TSPEAR: variants seen among roughly 807,000 people sequenced by gnomAD.
TSPEAR encodes the protein thrombospondin-type laminin G domain and EAR repeat-containing protein.
A neutral mutation model predicts 71.6 loss-of-function variants in TSPEAR; 69 were observed. The observed-to-expected ratio is 0.96, with a 90% CI of 0.79 to 1.18. The LOEUF (loss-of-function observed/expected upper bound fraction) is 1.18, where lower values mean the gene tolerates loss of function less well. Among genes scored for constraint, TSPEAR ranks in the 50% most tolerant of loss-of-function variants. The pLI is 0.00. For synonymous variants in TSPEAR, 402 were observed against 387.2 expected, an observed-to-expected ratio of 1.04 and a Z score of -0.45; for missense variants, 971 against 894.9, an observed-to-expected ratio of 1.09 and a Z score of -1.09.
chr21:44,710,322 G>A lies in TSPEAR; in HGVS notation c.82+1111C>T, dbSNP rs1357871316. ...CAACACCCAGGCAGTAATGGTTCCA[G>A]CACGGAAGGTCTACCTACCTCCCAC... is the stretch of plus-strand genomic sequence containing the variant. On this transcript the variant is annotated intron_variant, in intron 1 of 11. Transcript: ENST00000323084. This position sits in a 1 kb window ranked among gnomAD's most constrained non-coding sequence, Gnocchi z 4.6. Among the ~76,000 whole-genome samples, 1 of 152,160 alleles carries A rather than the reference G, an allele frequency of 6.6e-6. No homozygotes were observed. The highest frequency in any genetic ancestry group is 1.5e-5 in the Non-Finnish European group (1 of 68,028).
At chr21:44,610,084 T>C (rs1981559256) in intron 1 of TSPEAR, among the ~76,000 whole-genome samples, 1 of 152,152 alleles carries the variant, frequency 6.6e-6, no homozygotes, top group Non-Finnish European at 1.5e-5. Context: ...GTTAAAGGCA[T>C]TCAGTTTTAT....
chr21:44,523,108 AG>A (rs1555914485), intron 8 of TSPEAR, among the ~76,000 whole-genome samples: 73 of 140,410 alleles, frequency 5.2e-4, no homozygotes, highest in Middle Eastern at 7.2e-3. Flanking sequence ...CCAGCCAATT[AG>A]TCAGTGAAGT....
At chr21:44,667,655 G>A (rs1433449504) in intron 1 of TSPEAR, among the ~76,000 whole-genome samples, 1 of 152,168 alleles carries the variant, frequency 6.6e-6, no homozygotes. Context: ...TGTGTGAGCT[G>A]AATATAGAAG....
At chr21:44,625,783 C>T (rs1982734287) in intron 1 of TSPEAR, among the ~76,000 whole-genome samples, 1 of 147,896 alleles carries the variant, frequency 6.8e-6, no homozygotes, top group African/African-American at 2.5e-5. Flanking sequence ...TCTCCGGCTG[C>T]TCCAGTGATC....
chr21:44,606,163 C>CAAAAAAA (rs61407657), intron 1 of TSPEAR, among the ~76,000 whole-genome samples: 14 of 71,006 alleles, frequency 2.0e-4, no homozygotes, highest in African/African-American at 5.1e-4. Flanking sequence ...GACCCTGGCT[C>CAAAAAAA]AAAAAAAAAA....
chr21:44,510,312 C>T (rs1332536981), intron 9 of TSPEAR, among the ~76,000 whole-genome samples: 8 of 152,186 alleles, frequency 5.3e-5, no homozygotes, highest in South Asian at 4.1e-4. Flanking sequence ...GGTCATGCTG[C>T]GGGGCTGTGT....
intron 9 of TSPEAR, chr21:44,519,030 GTTTTT>G (rs587613806): frequency 5.9e-6 from 1 of 170,028 alleles, no homozygotes; most frequent in African/African-American, 2.4e-5. Context: ...TGCTTTTGTT[GTTTTT>G]TTTTTGTTTT....
In TSPEAR at chr21:44,644,914, C is replaced by A. The variant is rs180795639; in HGVS notation, c.82+66519G>T. On this transcript the variant is annotated intron_variant, in intron 1 of 11. Transcript: ENST00000323084. ...ACACTTTAGAACAATAAAAAGAAAC[C>A]CAAATGCTCCCAGAGAGTTAAGGAA... Among the ~76,000 whole-genome samples, 5 of 140,532 alleles carry A rather than the reference C, an allele frequency of 3.6e-5. No homozygotes were observed. The East Asian group carries it at 1.0e-3, about 29-fold the overall frequency. The allele number at this position is 140,532 out of a possible 152,430, so 92.2% of individuals were successfully genotyped here. A position where few individuals can be genotyped will look rare whatever the true frequency, so the allele number is the denominator to read the frequency against.
intron 1 of TSPEAR, among the ~76,000 whole-genome samples, chr21:44,686,138 A>G (rs1170533955): frequency 1.3e-5 from 2 of 152,026 alleles, no homozygotes; most frequent in Non-Finnish European, 2.9e-5. Context: ...GACCTTGAAC[A>G]TCCATGAGGT....
chr21:44,518,311 T>C (rs1169964057), intron 9 of TSPEAR: 2 of 469,488 alleles, frequency 4.3e-6, no homozygotes, highest in African/African-American at 4.0e-5. Context: ...GAGGATGGCA[T>C]GGGTGACACG....
In TSPEAR at chr21:44,520,560, G is replaced by T. The variant is rs2052714640; in HGVS notation, c.1566+1323C>A. ...TCTGCACGCATTAAGGCGTGTGATT[G>T]GTCCCTGTGAGCCGCGGCTCCTGGT... On this transcript the variant is annotated intron_variant, in intron 9 of 11. Coordinates refer to ENST00000323084, the MANE Select transcript of TSPEAR (RefSeq NM_144991.3). The surrounding 1 kb of genome is among the most constrained non-coding windows in gnomAD (Gnocchi z 4.2). 6.6e-6 allele frequency: 1 copy of T among 152,150 alleles called. No homozygotes were observed. Among genetic ancestry groups the T allele is most frequent in the Admixed American group, 6.5e-5 (1 of 15,276 alleles). 9.4% of individuals were successfully genotyped at this position (152,150 alleles called of 1,614,324 possible). A position where few individuals can be genotyped will look rare whatever the true frequency, so the allele number is the denominator to read the frequency against.
At position 44,499,459 on chromosome 21, in the gene TSPEAR, T is replaced by C. The variant is rs868918386; in HGVS notation, c.*324A>G. On this transcript the variant is annotated 3_prime_UTR_variant, in exon 12 of 12. Transcript: ENST00000323084. Reference sequence around the variant, plus strand: ...GCCGCAGGGACATGAACCGAGGTCCTGTTGTTTGAGGTAAAAATGTATAGA... The same window carrying C: ...GCCGCAGGGACATGAACCGAGGTCCCGTTGTTTGAGGTAAAAATGTATAGA... The C allele has an allele frequency of 1.0e-5, 3 of 296,314 alleles. No homozygotes were observed. Among genetic ancestry groups the C allele is most frequent in the Middle Eastern group, 9.8e-4 (1 of 1,022 alleles). The allele number at this position is 296,314 out of a possible 1,614,324, so 18.4% of individuals were successfully genotyped here.
At position 44,609,485 on chromosome 21, in the gene TSPEAR, A is replaced by G. The variant is rs782304825; in HGVS notation, c.83-41480T>C. Among the ~76,000 whole-genome samples the G allele has an allele frequency of 1.1e-4, 16 of 152,352 alleles. No homozygotes were observed. In the South Asian group the frequency reaches 3.3e-3, roughly 32 times the overall value. ...GTAATGGATCCAACATCAGAGAGAG[A>G]TGAATGAAAATCCAAAGACAAGAGT... is the stretch of plus-strand genomic sequence containing the variant. On this transcript the variant is annotated intron_variant, in intron 1 of 11. Transcript: ENST00000323084.
chr21:44,678,112 G>A (rs1986409793), intron 1 of TSPEAR: 1 of 618,380 alleles, frequency 1.6e-6, no homozygotes, highest in East Asian at 2.8e-5. Context: ...TGCTGCTGGT[G>A]GATGCGGGAG....
At chr21:44,558,710 G>A (rs782584257) in intron 2 of TSPEAR, 9 of 1,594,790 alleles carry the variant, frequency 5.6e-6, no homozygotes, top group Admixed American at 5.1e-5. Context: ...TGGTAGACGT[G>A]GCCATGCTGG....
chr21:44,670,615 C>G (rs1555945718), intron 1 of TSPEAR, among the ~76,000 whole-genome samples: 1 of 152,162 alleles, frequency 6.6e-6, no homozygotes, highest in East Asian at 1.9e-4. Flanking sequence ...ACCTGAAACC[C>G]TAGCCATGGG....
Position 44,499,886 on chromosome 21 carries a change from C to A in TSPEAR, c.1907G>T (p.Gly636Val), listed in dbSNP as rs782750180. ...GCTGAAGGCCTCCCAGTCCCTGCAG[C>A]CGACGGTGGGGAGGCTGTGCACCGC... is the stretch of plus-strand genomic sequence containing the variant. ...FVAVHSLPTV[G>V]CRDWEAFSTT... Residue 636 changes from glycine (G) to valine (V), a missense_variant, in exon 12 of 12, where the codon GGC (glycine) becomes GTC (valine). By Grantham distance (109) the Gly-to-Val change is moderately radical (BLOSUM62 -3). Transcript: ENST00000323084. The A allele has an allele frequency of 3.1e-6, 5 of 1,607,256 alleles. No homozygotes were observed. The highest frequency in any genetic ancestry group is 4.2e-6 in the Non-Finnish European group (5 of 1,177,918).
At chr21:44,579,359 T>G in intron 1 of TSPEAR, 1 of 253,748 alleles carries the variant, frequency 3.9e-6, no homozygotes, top group Non-Finnish European at 7.6e-6. Flanking sequence ...CCCCGTGACT[T>G]CTAGGTTAAG....
At chr21:44,654,374 A>G in intron 1 of TSPEAR, 1 of 1,614,182 alleles carries the variant, frequency 6.2e-7, no homozygotes, top group Non-Finnish European at 8.5e-7. Flanking sequence ...GAAGCCACAC[A>G]CAAAACAGGC....
Sources: gnomAD v4.1 joint callset for allele counts (sites outside exome capture counted in the v4.1 genomes callset) on GRCh38, gnomAD v4.1.1 for gene constraint, Gnocchi (gnomAD v3.1) non-coding constraint, MANE v1.5 for transcripts, NCBI Gene and HGNC (gene_info 2026-07-23, HGNC 2026-07-21) for gene names.